Variants in SNAP47 observed in about 807,000 individuals in gnomAD.
The protein encoded by SNAP47 is synaptosome associated protein 47, also known as synaptosomal-associated protein 47.
In SNAP47, 20 loss-of-function variants were observed where a neutral mutation model predicts 31.4. That is an observed-to-expected ratio of 0.64 (90% CI 0.45 to 0.93). The LOEUF is 0.93. SNAP47 is among the 40% of genes least tolerant of loss of function. The pLI, the probability that SNAP47 is intolerant of heterozygous loss-of-function variation, is 0.00. For synonymous variants in SNAP47, 194 were observed against 213.4 expected (o/e 0.91, Z 0.79); for missense variants, 492 against 528.5 (o/e 0.93, Z 0.68).
intron 2 of SNAP47, among the ~76,000 whole-genome samples, chr1:227,753,114 A>C (rs954801517): frequency 1.3e-5 from 2 of 152,252 alleles, no homozygotes; most frequent in African/African-American, 4.8e-5. Flanking sequence ...TCTAACTTGG[A>C]GTCAGTACTG....
chr1:227,770,978 G>A (rs1663765729), intron 4 of SNAP47, among the ~76,000 whole-genome samples: 1 of 152,232 alleles, frequency 6.6e-6, no homozygotes, highest in Non-Finnish European at 1.5e-5. Context: ...GCGAGTTGGA[G>A]AACAGGTTAT....
At chr1:227,733,384 T>C (rs766761701), upstream of SNAP47, 3 of 1,559,424 alleles carry the variant, frequency 1.9e-6, no homozygotes, top group African/African-American at 1.4e-5. Context: ...GGAAGGCCCC[T>C]GATAGGGGGC....
chr1:227,756,690 A>C (rs962488284), intron 2 of SNAP47, among the ~76,000 whole-genome samples: 1 of 152,158 alleles, frequency 6.6e-6, no homozygotes, highest in Admixed American at 6.5e-5. Context: ...GGATGTCCCA[A>C]TCATGTGGAG....
At chr1:227,768,237 C>G in intron 4 of SNAP47, 3 of 982,034 alleles carry the variant, frequency 3.1e-6, no homozygotes, top group Non-Finnish European at 3.6e-6. Context: ...TCCGTCTCGT[C>G]TTCCCCTACA....
chr1:227,742,233 A>G lies in SNAP47; in HGVS notation c.-45-5459A>G, dbSNP rs879620053. Among the ~76,000 whole-genome samples the G allele has an allele frequency of 1.1e-4, 17 of 151,520 alleles. No individual in the cohort carries two copies. In the Middle Eastern group the frequency reaches 0.014, roughly 121 times the overall value. ...GTGTGATGTTCTCCTTCCTGTGTCC[A>G]TGTGTTCTCATTGTTCAATTAGACG... On this transcript the variant is annotated intron_variant, in intron 1 of 4. Coordinates refer to ENST00000617596, the MANE Select transcript of SNAP47 (RefSeq NM_053052.4).
At chr1:227,766,847 G>A (rs1322209575) in intron 3 of SNAP47, 112 bp from the exon 4 acceptor site, 15 of 1,464,202 alleles carry the variant, frequency 1.0e-5, no homozygotes, top group African/African-American at 4.1e-5. Context: ...GCAGTCCTGC[G>A]TGTGGTGGCG....
In SNAP47 at chr1:227,775,705, G is replaced by A. The variant is rs148759523; in HGVS notation, c.1114-4822G>A. The A allele has an allele frequency of 1.3e-4, 161 of 1,265,742 alleles. No individual in the cohort carries two copies. The East Asian group carries it at 8.2e-3, about 64-fold the overall frequency. 78.4% of individuals were successfully genotyped at this position (1,265,742 alleles called of 1,614,324 possible). Reference sequence around the variant, plus strand: ...AGGTGGGCCCACCCTACTTCATTAGGCTATTTTTCTATATTTATTTTTTGC... The same window carrying A: ...AGGTGGGCCCACCCTACTTCATTAGACTATTTTTCTATATTTATTTTTTGC... On this transcript the variant is annotated intron_variant, in intron 4 of 4. Coordinates refer to ENST00000617596, the MANE Select transcript of SNAP47 (RefSeq NM_053052.4).
chr1:227,739,855 G>A (rs981916107), intron 1 of SNAP47, among the ~76,000 whole-genome samples: 4 of 152,208 alleles, frequency 2.6e-5, no homozygotes, highest in South Asian at 2.1e-4. Flanking sequence ...GGGTCAGCGC[G>A]GGTCCCCAGG....
upstream of SNAP47, among the ~76,000 whole-genome samples, chr1:227,728,351 G>A (rs377547220): frequency 1.3e-5 from 2 of 152,162 alleles, no homozygotes; most frequent in Admixed American, 6.5e-5. Flanking sequence ...ACCGGAGCGG[G>A]GGGGGCGGGC....
chr1:227,755,839 TTGTC>T (rs771709853), intron 2 of SNAP47, among the ~76,000 whole-genome samples: 9 of 152,150 alleles, frequency 5.9e-5, no homozygotes, highest in Non-Finnish European at 8.8e-5. Context: ...GACGTGGAGT[TTGTC>T]TGGGACAATT....
chr1:227,752,083 A>C (rs1225707318), intron 2 of SNAP47, among the ~76,000 whole-genome samples: 1 of 152,024 alleles, frequency 6.6e-6, no homozygotes, highest in East Asian at 1.9e-4. Flanking sequence ...GTTTTTAAGT[A>C]TAATTATTTT....
intron 3 of SNAP47, 65 bp downstream of exon 3, chr1:227,759,550 G>A: frequency 5.8e-6 from 9 of 1,562,994 alleles, no homozygotes; most frequent in Admixed American, 5.4e-5. Flanking sequence ...GACTCAGCAC[G>A]CCTGTGGGAA....
chr1:227,750,585 A>G (rs935495226), intron 2 of SNAP47, among the ~76,000 whole-genome samples: 10 of 152,030 alleles, frequency 6.6e-5, no homozygotes, highest in Non-Finnish European at 1.3e-4. Flanking sequence ...AGCCCTCCCC[A>G]TGGTGCCTCC....
chr1:227,758,669 G>A (rs1662847762), intron 2 of SNAP47, among the ~76,000 whole-genome samples: 1 of 152,200 alleles, frequency 6.6e-6, no homozygotes, highest in Non-Finnish European at 1.5e-5. Context: ...AGTAAGTACA[G>A]GTTTCATTTT....
chr1:227,746,002 G>A (rs1048909746), intron 1 of SNAP47: 3 of 152,236 alleles, frequency 2.0e-5, no homozygotes, highest in African/African-American at 4.8e-5. Flanking sequence ...TCATTGATTA[G>A]CCTGGCTGGG....
At chr1:227,766,896 G>T in intron 3 of SNAP47, 63 bp from the exon 4 acceptor site, 1 of 1,600,868 alleles carries the variant, frequency 6.2e-7, no homozygotes, top group Non-Finnish European at 8.5e-7. Context: ...CTGCCATCCA[G>T]AGCACACGAG....
At position 227,747,783 on chromosome 1, in the gene SNAP47, T is replaced by C; in HGVS notation, c.47T>C (p.Leu16Pro). The C allele has an allele frequency of 1.9e-6, 3 of 1,614,124 alleles. No individual in the cohort carries two copies. The highest frequency in any genetic ancestry group is 1.7e-6 in the Non-Finnish European group (2 of 1,180,012). Reference protein sequence around the residue: ...CIHTWPCTYYLEPKRRWVTGQ... With the variant: ...CIHTWPCTYYPEPKRRWVTGQ... ...CACACCTGGCCGTGCACCTACTACCTGGAGCCCAAGAGGCGATGGGTTACT... is the reference window on the plus strand; with the variant it reads ...CACACCTGGCCGTGCACCTACTACCCGGAGCCCAAGAGGCGATGGGTTACT... Residue 16 changes from leucine to proline, a missense_variant, in exon 2 of 5, where the codon CTG (leucine) becomes CCG (proline). Transcript: ENST00000617596.
chr1:227,775,407 G>A (rs1368459429), intron 4 of SNAP47, among the ~76,000 whole-genome samples: 1 of 152,188 alleles, frequency 6.6e-6, no homozygotes, highest in Non-Finnish European at 1.5e-5. Context: ...ACACGGCCAG[G>A]GCAGCCCAGC....
chr1:227,757,422 G>A (rs1558202533), intron 2 of SNAP47, among the ~76,000 whole-genome samples: 2 of 152,202 alleles, frequency 1.3e-5, no homozygotes, highest in Admixed American at 6.5e-5. Context: ...ATAAGTCAGG[G>A]CAAGGAAGCC....
Sources: gnomAD v4.1 joint callset for allele counts (sites outside exome capture counted in the v4.1 genomes callset) on GRCh38, gnomAD v4.1.1 for gene constraint, MANE v1.5 for transcripts, NCBI Gene and HGNC (gene_info 2026-07-23, HGNC 2026-07-21) for gene names.